DPYSL3: variants seen among roughly 807,000 people sequenced by gnomAD.
The protein encoded by DPYSL3 is dihydropyrimidinase-related protein 3.
Under a neutral mutation model 66.1 loss-of-function variants are expected in DPYSL3, and 16 were observed. The ratio of observed to expected loss-of-function variants is 0.24; its 90% CI spans 0.16 to 0.37. The LOEUF is 0.37. Ranked by LOEUF, DPYSL3 falls within the 10% of genes least tolerant of loss-of-function variation. DPYSL3 has a pLI of 1.00. For missense variants in DPYSL3, 738 were observed against 916.2 expected (o/e 0.81, Z 2.51); for synonymous variants, 338 against 345.1 (o/e 0.98, Z 0.23).
At chr5:147,421,765 T>C (rs889587772) in intron 2 of DPYSL3, among the ~76,000 whole-genome samples, 2 of 152,156 alleles carry the variant, frequency 1.3e-5, no homozygotes, top group African/African-American at 4.8e-5. Context: ...GGGAAAAGGA[T>C]TTCCTATTGA....
intron 1 of DPYSL3, among the ~76,000 whole-genome samples, chr5:147,448,100 G>C (rs937988215): frequency 6.6e-6 from 1 of 151,728 alleles, no homozygotes; most frequent in African/African-American, 2.4e-5. Flanking sequence ...TTTTCTTTTG[G>C]TTGTTGTTCT....
chr5:147,498,724 G>A (rs901467198), intron 1 of DPYSL3, among the ~76,000 whole-genome samples: 3 of 152,086 alleles, frequency 2.0e-5, no homozygotes, highest in Non-Finnish European at 4.4e-5. Flanking sequence ...ATTGTTGGCT[G>A]CATGTATGTC....
chr5:147,508,413 T>C (rs934503147), intron 1 of DPYSL3, among the ~76,000 whole-genome samples: 1 of 152,204 alleles, frequency 6.6e-6, no homozygotes, highest in Non-Finnish European at 1.5e-5. Context: ...TTTCAGGTTG[T>C]TATTCCTAAC....
At chr5:147,493,821 C>G (rs1247829593) in intron 1 of DPYSL3, among the ~76,000 whole-genome samples, 1 of 152,140 alleles carries the variant, frequency 6.6e-6, no homozygotes, top group Non-Finnish European at 1.5e-5. Flanking sequence ...ATGCAAGCTG[C>G]TCTTGGACCA....
chr5:147,400,828 T>C lies in DPYSL3; in HGVS notation c.1316A>G (p.Asp439Gly). 6.2e-7 allele frequency: 1 copy of C among 1,613,412 alleles called. No homozygotes were observed. Among genetic ancestry groups the C allele is most frequent in the Non-Finnish European group, 8.5e-7 (1 of 1,179,634 alleles). Residue 439 changes from aspartate to glycine, a missense_variant, in exon 10 of 14, where the codon GAT becomes GGT. Coordinates refer to ENST00000343218, the MANE Select transcript of DPYSL3 (RefSeq NM_001197294.2). The stretch of plus-strand genomic sequence containing the variant: ...GTGGGCACTCCCAGATAGCTGCAGA[T>C]CCCCGCTGGCAAAGGAGAAAAGCTC... Reference protein sequence around the residue: ...DYINSLLASGDLQLSGSAHCT... With the variant: ...DYINSLLASGGLQLSGSAHCT...
chr5:147,412,572 A>G (rs1435020780), intron 6 of DPYSL3, 36 bp downstream of exon 6: 3 of 1,591,024 alleles, frequency 1.9e-6, no homozygotes, highest in East Asian at 2.3e-5. Flanking sequence ...TGGAATGCAG[A>G]CCCAAAGCAC....
intron 1 of DPYSL3, among the ~76,000 whole-genome samples, chr5:147,451,349 G>C (rs1752724414): frequency 6.6e-6 from 1 of 152,202 alleles, no homozygotes; most frequent in Non-Finnish European, 1.5e-5. Context: ...CTGCTATGCA[G>C]CACCACGCCC....
intron 1 of DPYSL3, among the ~76,000 whole-genome samples, chr5:147,449,207 T>A (rs1752682601): frequency 6.6e-6 from 1 of 152,152 alleles, no homozygotes; most frequent in African/African-American, 2.4e-5. Context: ...GCTGCAGAGA[T>A]CTGGGTGTTA....
At chr5:147,446,865 C>T (rs1241960994) in intron 1 of DPYSL3, among the ~76,000 whole-genome samples, 1 of 152,230 alleles carries the variant, frequency 6.6e-6, no homozygotes, top group African/African-American at 2.4e-5. Flanking sequence ...TCCTTCCACC[C>T]TGTGAATACT....
intron 2 of DPYSL3, among the ~76,000 whole-genome samples, chr5:147,421,918 C>T (rs1752088222): frequency 6.6e-6 from 1 of 152,122 alleles, no homozygotes; most frequent in Admixed American, 6.5e-5. Context: ...AGAAGAAAAC[C>T]TAGGCAATAC....
chr5:147,451,563 A>C (rs1038199568), intron 1 of DPYSL3, among the ~76,000 whole-genome samples: 1 of 152,216 alleles, frequency 6.6e-6, no homozygotes, highest in African/African-American at 2.4e-5. Flanking sequence ...TGATACCTAG[A>C]AGAATGGGTG....
chr5:147,396,713 C>T (rs536607230), intron 12 of DPYSL3, among the ~76,000 whole-genome samples: 21 of 152,244 alleles, frequency 1.4e-4, no homozygotes, highest in African/African-American at 4.8e-4. Context: ...GAATCTAAAT[C>T]ACACTCATAG....
chr5:147,470,591 G>A (rs1012093176), intron 1 of DPYSL3, among the ~76,000 whole-genome samples: 2 of 151,970 alleles, frequency 1.3e-5, no homozygotes, highest in Non-Finnish European at 2.9e-5. Context: ...CAAGATTCTT[G>A]ATACGATGTT....
intron 2 of DPYSL3, among the ~76,000 whole-genome samples, chr5:147,423,995 G>A (rs1332186175): frequency 6.6e-6 from 1 of 152,154 alleles, no homozygotes; most frequent in East Asian, 1.9e-4. Flanking sequence ...TGGGATTACA[G>A]GCACTTAATT....
intron 12 of DPYSL3, among the ~76,000 whole-genome samples, chr5:147,397,123 C>T (rs1374444918): frequency 6.8e-6 from 1 of 147,490 alleles, no homozygotes; most frequent in Non-Finnish European, 1.5e-5. Flanking sequence ...CTCTGCACCT[C>T]CATTTTTTAT....
chr5:147,489,029 A>G (rs1382969504), intron 1 of DPYSL3, among the ~76,000 whole-genome samples: 1 of 151,574 alleles, frequency 6.6e-6, no homozygotes, highest in Admixed American at 6.6e-5. Flanking sequence ...AAAAAAAAAG[A>G]AAAAGAAAAG....
intron 1 of DPYSL3, among the ~76,000 whole-genome samples, chr5:147,448,029 GC>G (rs1208909810): frequency 6.6e-6 from 1 of 151,966 alleles, no homozygotes; most frequent in Non-Finnish European, 1.5e-5. Flanking sequence ...AACACAAATG[GC>G]CCTATAAAAT....
intron 1 of DPYSL3, among the ~76,000 whole-genome samples, chr5:147,438,776 T>A (rs568728548): frequency 6.6e-6 from 1 of 152,264 alleles, no homozygotes; most frequent in African/African-American, 2.4e-5. Flanking sequence ...AAGCAAGATG[T>A]ATGTTGTAAC....
At chr5:147,440,995 C>G (rs745324464) in intron 1 of DPYSL3, among the ~76,000 whole-genome samples, 21 of 152,090 alleles carry the variant, frequency 1.4e-4, no homozygotes, top group Non-Finnish European at 2.9e-5. Flanking sequence ...ACTATGATCT[C>G]GGCATGGTAA....
Sources: gnomAD v4.1 joint callset for allele counts (sites outside exome capture counted in the v4.1 genomes callset) on GRCh38, gnomAD v4.1.1 for gene constraint, MANE v1.5 for transcripts, NCBI Gene and HGNC (gene_info 2026-07-23, HGNC 2026-07-21) for gene names.